Variants in RASSF5 observed in about 807,000 individuals in gnomAD.
RASSF5 encodes Ras association domain family member 5.
Under a neutral mutation model 40.5 loss-of-function variants are expected in RASSF5, and 25 were observed. The observed-to-expected ratio is 0.62, with a 90% CI of 0.45 to 0.86. The LOEUF is 0.86. Among genes scored for constraint, RASSF5 ranks in the 40% least tolerant of loss-of-function variants. The pLI, the probability that RASSF5 is intolerant of heterozygous loss-of-function variation, is 0.00. For synonymous variants in RASSF5, 246 were observed against 252.4 expected, an observed-to-expected ratio of 0.97 and a Z score of 0.24; for missense variants, 521 against 572.8, an observed-to-expected ratio of 0.91 and a Z score of 0.92.
intron 1 of RASSF5, among the ~76,000 whole-genome samples, chr1:206,516,495 C>T (rs1359179008): frequency 6.6e-6 from 1 of 151,872 alleles, no homozygotes; most frequent in Non-Finnish European, 1.5e-5. Flanking sequence ...CTCGTTCTGT[C>T]GCCCAGACTG....
intron 2 of RASSF5, among the ~76,000 whole-genome samples, chr1:206,546,151 C>A (rs1340519818): frequency 2.6e-5 from 3 of 116,150 alleles, no homozygotes; most frequent in African/African-American, 6.9e-5. Flanking sequence ...TTCGGTCACC[C>A]AGGATGGAGT....
At chr1:206,515,110 GA>G (rs1385879607) in intron 1 of RASSF5, among the ~76,000 whole-genome samples, 1 of 152,200 alleles carries the variant, frequency 6.6e-6, no homozygotes, top group East Asian at 1.9e-4. Flanking sequence ...TAATATCATT[GA>G]TCACGCAAGT....
At chr1:206,538,355 T>G (rs1553398959) in intron 2 of RASSF5, 62 bp downstream of exon 2, 1 of 1,600,638 alleles carries the variant, frequency 6.2e-7, no homozygotes, top group African/African-American at 1.3e-5. Context: ...CGGGCTCCAC[T>G]TTCTCTCCCA....
At chr1:206,557,047 A>G (rs1181933977) in intron 2 of RASSF5, 2 of 653,012 alleles carry the variant, frequency 3.1e-6, no homozygotes, top group East Asian at 1.4e-4. Context: ...TATGACCTGC[A>G]GTTCCCTGAG....
rs564042762 is a variant in RASSF5, at chr1:206,513,876, C to T, written c.457+5817C>T. ...GGCACTGGTTTAAGTGGAATAAAGT[C>T]GGGGCTTGGGAGCAGTCATGGGTTG... On this transcript the variant is annotated intron_variant, in intron 1 of 5. Coordinates refer to ENST00000579436, the MANE Select transcript of RASSF5 (RefSeq NM_182663.4). This position sits in a 1 kb window ranked among gnomAD's most constrained non-coding sequence, Gnocchi z 5.0. Among the ~76,000 whole-genome samples the T allele has an allele frequency of 2.6e-5, 4 of 152,266 alleles. No individual in the cohort carries two copies. The highest frequency in any genetic ancestry group is 9.6e-5 in the African/African-American group (4 of 41,564).
chr1:206,586,641 T>C, intron 5 of RASSF5, 185 bp from the exon 6 acceptor site: 1 of 589,928 alleles, frequency 1.7e-6, no homozygotes. Context: ...ATTTGGAATT[T>C]TGTTGCTGCT....
chr1:206,557,000 G>A (rs1668007948), intron 2 of RASSF5, among the ~76,000 whole-genome samples: 1 of 152,172 alleles, frequency 6.6e-6, no homozygotes, highest in Admixed American at 6.5e-5. Context: ...GTTCCCCCTC[G>A]GGTCCATCCT....
intron 1 of RASSF5, among the ~76,000 whole-genome samples, chr1:206,517,657 C>T: frequency 6.6e-6 from 1 of 152,148 alleles, no homozygotes; most frequent in East Asian, 1.9e-4. Context: ...ACAGGGCCTC[C>T]CAGAACTTTT....
intron 2 of RASSF5, among the ~76,000 whole-genome samples, chr1:206,576,871 G>A (rs905353749): frequency 1.3e-5 from 2 of 152,090 alleles, no homozygotes; most frequent in African/African-American, 2.4e-5. Context: ...GCACAATCAC[G>A]GCTCACTGCA....
In RASSF5 at chr1:206,535,959, C is replaced by G. The variant is rs1667382699; in HGVS notation, c.458-2213C>G. Reference sequence around the variant, plus strand: ...TTTCCTTGCTGCCATTTCTTGGCATCCTCAGAGCATTCTTCATCGCTCAGA... The same window carrying G: ...TTTCCTTGCTGCCATTTCTTGGCATGCTCAGAGCATTCTTCATCGCTCAGA... On this transcript the variant is annotated intron_variant, in intron 1 of 5. Coordinates refer to ENST00000579436, the MANE Select transcript of RASSF5 (RefSeq NM_182663.4). The surrounding 1 kb of genome is among the most constrained non-coding windows in gnomAD (Gnocchi z 5.0). Among the ~76,000 whole-genome samples the G allele has an allele frequency of 6.6e-6, 1 of 152,102 alleles. No individual in the cohort carries two copies. The highest frequency in any genetic ancestry group is 1.5e-5 in the Non-Finnish European group (1 of 68,012).
At chr1:206,582,325 A>T (rs954448707) in intron 2 of RASSF5, among the ~76,000 whole-genome samples, 1 of 152,222 alleles carries the variant, frequency 6.6e-6, no homozygotes, top group African/African-American at 2.4e-5. Context: ...GCATCTGGGA[A>T]CATATGAGAA....
At chr1:206,537,646 T>G (rs1667450574) in intron 1 of RASSF5, among the ~76,000 whole-genome samples, 1 of 152,214 alleles carries the variant, frequency 6.6e-6, no homozygotes, top group Non-Finnish European at 1.5e-5. Context: ...ATTGCTCCAG[T>G]GAGCACTTCC....
At chr1:206,557,332 G>A (rs1057456522) in intron 2 of RASSF5, 76 of 1,275,846 alleles carry the variant, frequency 6.0e-5, no homozygotes, top group Non-Finnish European at 7.2e-5. Flanking sequence ...CTCTGCAGGC[G>A]CAGGCGGCGC....
intron 2 of RASSF5, among the ~76,000 whole-genome samples, chr1:206,578,454 T>C (rs782350788): frequency 6.6e-6 from 1 of 152,132 alleles, no homozygotes; most frequent in Non-Finnish European, 1.5e-5. Flanking sequence ...CGGTACATAT[T>C]AGCTGTAGTG....
At chr1:206,578,149 C>T (rs1668724405) in intron 2 of RASSF5, among the ~76,000 whole-genome samples, 1 of 151,748 alleles carries the variant, frequency 6.6e-6, no homozygotes, top group Non-Finnish European at 1.5e-5. Context: ...TTGCTTGAGC[C>T]TAGGAGGTCG....
At chr1:206,573,751 T>C (rs1668536126) in intron 2 of RASSF5, among the ~76,000 whole-genome samples, 1 of 152,220 alleles carries the variant, frequency 6.6e-6, no homozygotes, top group South Asian at 2.1e-4. Context: ...CTCACGCCTG[T>C]AATCCCAGCA....
At chr1:206,521,358 A>G (rs192962246) in intron 1 of RASSF5, among the ~76,000 whole-genome samples, 1 of 152,296 alleles carries the variant, frequency 6.6e-6, no homozygotes. Flanking sequence ...GGCACTTTGA[A>G]TAGCTGCAAG....
rs919159458 is a variant in RASSF5, at chr1:206,588,990, G to A, written c.*2012G>A. ...GTATATATACACATAAAGGCATATA[G>A]CTATATATAAAGAGATAAGGGTGTT... On this transcript the variant is annotated 3_prime_UTR_variant, in exon 6 of 6. Transcript: ENST00000579436. 2 of 152,862 alleles carry A rather than the reference G, an allele frequency of 1.3e-5. No individual in the cohort carries two copies. Among genetic ancestry groups the A allele is most frequent in the African/African-American group, 4.8e-5 (2 of 41,554 alleles). The allele number at this position is 152,862 out of a possible 1,614,324, so 9.5% of individuals were successfully genotyped here. A position where few individuals can be genotyped will look rare whatever the true frequency, so the allele number is the denominator to read the frequency against.
chr1:206,551,672 G>A (rs1275697898), intron 2 of RASSF5, among the ~76,000 whole-genome samples: 1 of 152,240 alleles, frequency 6.6e-6, no homozygotes, highest in Non-Finnish European at 1.5e-5. Flanking sequence ...CAGAGCTCTG[G>A]TGCATATTTC....
Sources: allele counts gnomAD v4.1 joint callset (sites outside exome capture counted in the v4.1 genomes callset), GRCh38; gene constraint gnomAD v4.1.1; non-coding constraint Gnocchi (gnomAD v3.1); transcripts MANE v1.5; gene names NCBI Gene and HGNC (gene_info 2026-07-23, HGNC 2026-07-21).